ABHD8: variants seen among roughly 807,000 people sequenced by gnomAD.
ABHD8 encodes the protein abhydrolase domain containing 8, also known as protein ABHD8.
A neutral mutation model predicts 29.3 loss-of-function variants in ABHD8; 10 were observed. That is an observed-to-expected ratio of 0.34 (90% CI 0.21 to 0.58). The LOEUF (loss-of-function observed/expected upper bound fraction) is 0.58. Among genes scored for constraint, ABHD8 ranks in the 20% least tolerant of loss-of-function variants. The pLI, the probability that ABHD8 is intolerant of heterozygous loss-of-function variation, is 0.85. For synonymous variants in ABHD8, 282 were observed against 274.6 expected (o/e 1.03, Z -0.27); for missense variants, 556 against 615.3 (o/e 0.90, Z 1.02).
At position 17,301,131 on chromosome 19, in the gene ABHD8, A is replaced by G. The variant is rs774566297; in HGVS notation, c.486T>C (p.Cys162=). Residue 162 remains cysteine, a synonymous_variant, in exon 2 of 5, where the codon TGT becomes TGC. Coordinates refer to ENST00000247706, the MANE Select transcript of ABHD8 (RefSeq NM_024527.5). ...CTTTGCAGCTAGTGATGCGCTTCTC[A>G]CAGTCAATATGGATGGTCCTCTTGG... is the stretch of plus-strand genomic sequence containing the variant. ...RRPKRTIHID[C]EKRITSCKGA... 29 of 1,612,744 alleles carry G rather than the reference A, an allele frequency of 1.8e-5. No homozygotes were observed. The Admixed American group carries it at 4.5e-4, about 25-fold the overall frequency.
intron 1 of ABHD8, among the ~76,000 whole-genome samples, chr19:17,302,422 C>T (rs2074124892): frequency 6.6e-6 from 1 of 152,346 alleles, no homozygotes; most frequent in Admixed American, 6.5e-5. Flanking sequence ...TATGCACTCA[C>T]TAACTCACAT....
chr19:17,292,854 G>A (rs2074077190), intron 4 of ABHD8, 23 bp from the exon 5 acceptor site: 2 of 1,602,928 alleles, frequency 1.2e-6, no homozygotes, highest in African/African-American at 1.3e-5. Context: ...CAGGGCTCAA[G>A]GTAGGCGGGG....
Position 17,301,538 on chromosome 19 carries a change from C to A in ABHD8, c.79G>T (p.Val27Phe), listed in dbSNP as rs142856821. Residue 27 changes from valine to phenylalanine, a missense_variant, in exon 2 of 5, where the codon GTC (valine) becomes TTC (phenylalanine). Transcript: ENST00000247706. ...PPNAVGPLES[V>F]ESSDGYTFVE... Reference sequence around the variant, plus strand: ...AAGGTGTAGCCATCGCTGGACTCGACGCTCTCCAGTGGCCCCACGGCGTTG... The same window carrying A: ...AAGGTGTAGCCATCGCTGGACTCGAAGCTCTCCAGTGGCCCCACGGCGTTG... The A allele has an allele frequency of 6.2e-7, 1 of 1,609,698 alleles. No homozygotes were observed. Among genetic ancestry groups the A allele is most frequent in the African/African-American group, 1.3e-5 (1 of 74,998 alleles).
Position 17,303,394 on chromosome 19 carries a change from C to T in ABHD8, c.-161G>A, listed in dbSNP as rs967525104. ...CTGCCCCTGGCGGTCAGCGCAGGGG[C>T]ATCCCGCGGCCGCCGAAACAGCCGG... On this transcript the variant is annotated 5_prime_UTR_variant, in exon 1 of 5. The change abolishes an upstream ATG in the 5' untranslated region. Coordinates refer to ENST00000247706, the MANE Select transcript of ABHD8 (RefSeq NM_024527.5). 1 of 152,232 alleles carries T rather than the reference C, an allele frequency of 6.6e-6. No individual in the cohort carries two copies. The highest frequency in any genetic ancestry group is 6.5e-5 in the Admixed American group (1 of 15,286). The allele number at this position is 152,232 out of a possible 1,614,324, so 9.4% of individuals were successfully genotyped here.
chr19:17,300,329 A>T (rs1240184631), intron 2 of ABHD8, among the ~76,000 whole-genome samples: 1 of 149,686 alleles, frequency 6.7e-6, no homozygotes, highest in African/African-American at 2.5e-5. Flanking sequence ...CTCAGCCCTT[A>T]AGTAGGTGGA....
intron 4 of ABHD8, 147 bp from the exon 5 acceptor site, chr19:17,292,978 G>A: frequency 1.1e-6 from 1 of 891,524 alleles, no homozygotes; most frequent in East Asian, 3.0e-5. Context: ...TTCCACTCAA[G>A]GGGGAGCTGG....
rs556911878 is a variant in ABHD8, at chr19:17,294,393, G to A, written c.1044C>T (p.Pro348=). 6.2e-7 allele frequency: 1 copy of A among 1,614,032 alleles called. No homozygotes were observed. Among genetic ancestry groups the A allele is most frequent in the Non-Finnish European group, 8.5e-7 (1 of 1,180,012 alleles). Residue 348 remains proline (P), a synonymous_variant, in exon 4 of 5, where the codon CCC becomes CCT. Transcript: ENST00000247706. The part of the protein sequence containing the change: ...LRAMMSGQYW[P]EGDEVYHAEL... ...CGGCGTGGTAGACCTCGTCGCCCTCGGGCCAGTACTGGCCGCTCATCATGG... is the reference window on the plus strand; with the variant it reads ...CGGCGTGGTAGACCTCGTCGCCCTCAGGCCAGTACTGGCCGCTCATCATGG...
Position 17,292,709 on chromosome 19 carries a change from G to C in ABHD8, c.1272C>G (p.Pro424=). ...CCGGCAGTGGCTCCGGTAGAGCCTT[G>C]GGCGAGGGCTCGGGCTCCCAGAGCA... ...EFLLWEPEPS[P]KALPEPLPAP... is the part of the protein sequence containing the mutation. Residue 424 remains proline, a synonymous_variant, in exon 5 of 5, where the codon CCC becomes CCG. Transcript: ENST00000247706. 1 of 1,613,238 alleles carries C rather than the reference G, an allele frequency of 6.2e-7. No homozygotes were observed. The highest frequency in any genetic ancestry group is 8.5e-7 in the Non-Finnish European group (1 of 1,179,832).
Position 17,303,356 on chromosome 19 carries a change from C to G in ABHD8, c.-123G>C, listed in dbSNP as rs1000101771. 1 of 152,278 alleles carries G rather than the reference C, an allele frequency of 6.6e-6. No individual in the cohort carries two copies. The highest frequency in any genetic ancestry group is 1.9e-4 in the East Asian group (1 of 5,194). 9.4% of individuals were successfully genotyped at this position (152,278 alleles called of 1,614,324 possible). ...CGCGGGGTCAGGCCGGGTGCGTCTA[C>G]GCGGGCGGGCACCTGCCCCTGGCGG... is the stretch of plus-strand genomic sequence containing the variant. On this transcript the variant is annotated 5_prime_UTR_variant, in exon 1 of 5. Coordinates refer to ENST00000247706, the MANE Select transcript of ABHD8 (RefSeq NM_024527.5).
chr19:17,301,675 G>C, intron 1 of ABHD8, 51 bp from the exon 2 acceptor site: 1 of 1,477,252 alleles, frequency 6.8e-7, no homozygotes, highest in South Asian at 1.4e-5. Context: ...TGAGAACCCT[G>C]CACCGTGCAG....
rs1348464096 is a variant in ABHD8, at chr19:17,300,916, A to G, written c.701T>C (p.Met234Thr). 6.8e-6 allele frequency: 11 copies of G among 1,610,114 alleles called. No individual in the cohort carries two copies. In the East Asian group the frequency reaches 2.5e-4, roughly 36 times the overall value. Residue 234 changes from methionine to threonine, a missense_variant, in exon 2 of 5, where the codon ATG (methionine) becomes ACG (threonine). This residue lies in a region of ABHD8 where 270 missense variants were observed against 353.9 expected (regional missense o/e 0.76). Coordinates refer to ENST00000247706, the MANE Select transcript of ABHD8 (RefSeq NM_024527.5). ...AYTFYALAEDMRAIFKRYAKK... is the reference protein window; with the variant it reads ...AYTFYALAEDTRAIFKRYAKK... ...GGCATAGCGCTTGAAGATTGCTCGCATGTCCTCAGCCAGCGCATAGAAGGT... is the reference window on the plus strand; with the variant it reads ...GGCATAGCGCTTGAAGATTGCTCGCGTGTCCTCAGCCAGCGCATAGAAGGT...
Position 17,301,124 on chromosome 19 carries a change from G to A in ABHD8, c.493C>T (p.Arg165Cys), listed in dbSNP as rs907807943. ...KRTIHIDCEKRITSCKGAQAD... is the reference protein window; with the variant it reads ...KRTIHIDCEKCITSCKGAQAD... ...TGGGCGCCTTTGCAGCTAGTGATGCGCTTCTCACAGTCAATATGGATGGTC... is the reference window on the plus strand; with the variant it reads ...TGGGCGCCTTTGCAGCTAGTGATGCACTTCTCACAGTCAATATGGATGGTC... Residue 165 changes from arginine to cysteine, a missense_variant, in exon 2 of 5, where the codon CGC becomes TGC. This residue lies in a region of ABHD8 where 286 missense variants were observed against 261.4 expected (regional missense o/e 1.09). Coordinates refer to ENST00000247706, the MANE Select transcript of ABHD8 (RefSeq NM_024527.5). The A allele has an allele frequency of 2.5e-6, 4 of 1,612,810 alleles. No homozygotes were observed. The highest frequency in any genetic ancestry group is 1.7e-5 in the Admixed American group (1 of 60,014).
chr19:17,299,081 T>C (rs560820079), intron 2 of ABHD8, among the ~76,000 whole-genome samples: 54 of 152,198 alleles, frequency 3.5e-4, no homozygotes, highest in Non-Finnish European at 7.2e-4. Context: ...ACAATATCAG[T>C]GATGACGGAA....
intron 2 of ABHD8, among the ~76,000 whole-genome samples, chr19:17,298,676 C>T (rs1346533351): frequency 6.6e-6 from 1 of 151,500 alleles, no homozygotes; most frequent in Non-Finnish European, 1.5e-5. Context: ...ATCCTATAGC[C>T]CCTCACAGAA....
rs539011418 is a variant in ABHD8, at chr19:17,300,978, G to A, written c.639C>T (p.His213=). The A allele has an allele frequency of 2.5e-6, 4 of 1,613,468 alleles. No homozygotes were observed. Among genetic ancestry groups the A allele is most frequent in the Middle Eastern group, 1.6e-4 (1 of 6,062 alleles). The stretch of plus-strand genomic sequence containing the variant: ...CCACCTGGGGCGCAGAGCTGGCCCC[G>A]TGGCCGGCCAGGTCAGGAGCCACCA... The part of the protein sequence containing the change: ...YEVVAPDLAG[H]GASSAPQVAA... Residue 213 remains histidine (H), a synonymous_variant, in exon 2 of 5, where the codon CAC becomes CAT. Transcript: ENST00000247706.
At chr19:17,294,156 A>ACC in intron 4 of ABHD8, 132 bp downstream of exon 4, 1 of 1,142,574 alleles carries the variant, frequency 8.8e-7, no homozygotes, top group Non-Finnish European at 1.2e-6. Context: ...GGCCACGCCC[A>ACC]CCCGGCAGCC....
At position 17,293,098 on chromosome 19, in the gene ABHD8, C is replaced by CTT. The variant is rs71334701; in HGVS notation, c.1150-269_1150-268dup. On this transcript the variant is annotated intron_variant, in intron 4 of 4. Transcript: ENST00000247706. ...ATTTTCTTCTTTTTTTCTTTTCTTT[C>CTT]TTTTTTTTTTTTTTTGAGACAGAGT... Among the ~76,000 whole-genome samples the CTT allele has an allele frequency of 4.2e-3, 575 of 136,006 alleles. 6 individuals carry two copies. Among genetic ancestry groups the CTT allele is most frequent in the Non-Finnish European group, 6.5e-3 (413 of 63,648 alleles). 89.2% of individuals were successfully genotyped at this position (136,006 alleles called of 152,430 possible). A position where few individuals can be genotyped will look rare whatever the true frequency, so the allele number is the denominator to read the frequency against.
At chr19:17,294,177 G>A in intron 4 of ABHD8, 111 bp downstream of exon 4, 2 of 1,346,022 alleles carry the variant, frequency 1.5e-6, no homozygotes, top group Non-Finnish European at 2.0e-6. Context: ...ACGCCCCCTC[G>A]GGAAGAAAGC....
In ABHD8 at chr19:17,299,560, CAAAAAAAAAA is replaced by C. The variant is rs567760409; in HGVS notation, c.761+1286_761+1295del. Reference sequence around the variant, plus strand: ...TGGGGGACAGAGTGAGACTCCATCTCAAAAAAAAAAAAAAAAAAAAAAATTAAGGCTGAGC... The same window carrying C: ...TGGGGGACAGAGTGAGACTCCATCTCAAAAAAAAAAAAATTAAGGCTGAGC... On this transcript the variant is annotated intron_variant, in intron 2 of 4. Transcript: ENST00000247706. 2.1e-4 allele frequency among the ~76,000 whole-genome samples: 11 copies of C among 51,506 alleles called. No homozygotes were observed. In the Admixed American group the frequency reaches 2.4e-3, roughly 11 times the overall value. The allele number at this position is 51,506 out of a possible 152,430, so 33.8% of individuals were successfully genotyped here. A position where few individuals can be genotyped will look rare whatever the true frequency, so the allele number is the denominator to read the frequency against.
Sources: allele counts gnomAD v4.1 joint callset (sites outside exome capture counted in the v4.1 genomes callset), GRCh38; gene constraint gnomAD v4.1.1; regional missense constraint gnomAD v4.1.1; transcripts MANE v1.5; gene names NCBI Gene and HGNC (gene_info 2026-07-23, HGNC 2026-07-21).